Variants in CTCFL observed in about 807,000 individuals in gnomAD.
CTCFL encodes the protein transcriptional repressor CTCFL.
CTCFL carries 36 observed loss-of-function variants against 67.4 expected under a neutral mutation model. The ratio of observed to expected loss-of-function variants is 0.53; its 90% CI spans 0.41 to 0.71. The LOEUF (loss-of-function observed/expected upper bound fraction) is 0.71, where lower values mean the gene tolerates loss of function less well. CTCFL is among the 30% of genes least tolerant of loss of function. The pLI, the probability that CTCFL is intolerant of heterozygous loss-of-function variation, is 0.00. For synonymous variants in CTCFL, 324 were observed against 302.3 expected, an observed-to-expected ratio of 1.07 and a Z score of -0.75; for missense variants, 786 against 835.2, an observed-to-expected ratio of 0.94 and a Z score of 0.73.
In CTCFL at chr20:57,523,866, G is replaced by T. The variant is rs1296549824; in HGVS notation, c.340C>A (p.Gln114Lys). The change falls in exon 2 of 11, where the codon CAG (glutamine) becomes AAG (lysine). Residue 114 changes from glutamine to lysine, a missense_variant. Coordinates refer to ENST00000243914, the MANE Select transcript of CTCFL (RefSeq NM_001386993.1). ...QQEGVQVVVQ[Q>K]PGPGLLWLEE... Reference sequence around the variant, plus strand: ...AGCCACAGCAACCCAGGGCCAGGCTGTTGCACCACCACCTGCACCCCTTCT... The same window carrying T: ...AGCCACAGCAACCCAGGGCCAGGCTTTTGCACCACCACCTGCACCCCTTCT... 1 of 1,613,122 alleles carries T rather than the reference G, an allele frequency of 6.2e-7. No homozygotes were observed. The highest frequency in any genetic ancestry group is 8.5e-7 in the Non-Finnish European group (1 of 1,180,052).
At chr20:57,517,101 G>A (rs1452405709) in intron 5 of CTCFL, among the ~76,000 whole-genome samples, 1 of 152,162 alleles carries the variant, frequency 6.6e-6, no homozygotes, top group East Asian at 1.9e-4. Context: ...TTTCACTTAG[G>A]TTTTCAGAAG....
chr20:57,512,693 A>C lies in CTCFL; in HGVS notation c.1390T>G (p.Ser464Ala). 6.2e-7 allele frequency: 1 copy of C among 1,614,252 alleles called. No individual in the cohort carries two copies. Among genetic ancestry groups the C allele is most frequent in the Non-Finnish European group, 8.5e-7 (1 of 1,180,036 alleles). The change falls in exon 8 of 11, where the codon TCT becomes GCT. Residue 464 changes from serine (S) to alanine (A), a missense_variant. By Grantham distance (99) the Ser-to-Ala change is moderately conservative. This residue lies in a region of CTCFL where 254 missense variants were observed against 333.9 expected (regional missense o/e 0.76). Coordinates refer to ENST00000243914, the MANE Select transcript of CTCFL (RefSeq NM_001386993.1). The stretch of plus-strand genomic sequence containing the variant: ...GCATAGCGTTCATGGAAGACAGCAG[A>C]ACAGTAGCGGCATTTCAGCTCTGCA... ...SAAELKCRYC[S>A]AVFHERYALI...
chr20:57,510,232 A>G (rs2068460844), intron 8 of CTCFL, among the ~76,000 whole-genome samples: 2 of 152,302 alleles, frequency 1.3e-5, no homozygotes, highest in Middle Eastern at 3.4e-3. Flanking sequence ...TTTATACTTT[A>G]AAAAATTACT....
rs767188369 is a variant in CTCFL, at chr20:57,519,295, G to A, written c.837C>T (p.His279=). 8.7e-6 allele frequency: 14 copies of A among 1,614,078 alleles called. No individual in the cohort carries two copies. The highest frequency in any genetic ancestry group is 6.7e-5 in the East Asian group (3 of 44,886). ...MSSFNRHMKT[H]TSEKPHLCHL... ...GACACAGGTGAGGCTTCTCACTGGT[G>A]TGAGTTTTCATATGACGATTAAAAC... The change falls in exon 4 of 11, where the codon CAC becomes CAT. Residue 279 remains histidine (H), a synonymous_variant. Transcript: ENST00000243914.
At chr20:57,503,787 G>A (rs1340478209) in intron 9 of CTCFL, among the ~76,000 whole-genome samples, 186 bp from the exon 10 acceptor site, 3 of 152,098 alleles carry the variant, frequency 2.0e-5, no homozygotes, top group Admixed American at 6.5e-5. Context: ...GGTAATAGGA[G>A]GCCAGGCACT....
At chr20:57,499,932 G>C in intron 10 of CTCFL, 1 of 982,358 alleles carries the variant, frequency 1.0e-6, no homozygotes. Flanking sequence ...GTTCCTAACA[G>C]CCCACAGGTC....
intron 3 of CTCFL, among the ~76,000 whole-genome samples, chr20:57,521,851 C>T (rs946167258): frequency 2.0e-5 from 3 of 152,176 alleles, no homozygotes; most frequent in African/African-American, 7.2e-5. Flanking sequence ...TATGATTCAA[C>T]TTCTGGAAAA....
chr20:57,507,808 T>A, intron 9 of CTCFL: 1 of 702,980 alleles, frequency 1.4e-6, no homozygotes, highest in South Asian at 1.5e-5. Context: ...AGGTGATAAA[T>A]GTTTGTGGTT....
chr20:57,502,845 C>CT (rs2067989445), intron 10 of CTCFL, among the ~76,000 whole-genome samples: 1 of 152,216 alleles, frequency 6.6e-6, no homozygotes, highest in Non-Finnish European at 1.5e-5. Flanking sequence ...AGCTGACCTC[C>CT]TTTTTTCAAA....
chr20:57,519,020 T>C, intron 4 of CTCFL, 129 bp from the exon 5 acceptor site: 8 of 1,227,412 alleles, frequency 6.5e-6, no homozygotes, highest in Admixed American at 2.6e-5. Context: ...CCTTAAACTA[T>C]AAATACCACA....
intron 9 of CTCFL, among the ~76,000 whole-genome samples, chr20:57,506,112 G>C (rs1011292287): frequency 1.3e-5 from 2 of 152,190 alleles, no homozygotes; most frequent in African/African-American, 4.8e-5. Context: ...GTTTGTGAAA[G>C]CAAGTTTTAC....
At chr20:57,512,876 G>C in intron 7 of CTCFL, 124 bp from the exon 8 acceptor site, 1 of 815,876 alleles carries the variant, frequency 1.2e-6, no homozygotes, top group Non-Finnish European at 1.9e-6. Context: ...TTCCTGGGCA[G>C]GGCAGGGTGG....
intron 8 of CTCFL, among the ~76,000 whole-genome samples, chr20:57,511,357 T>G (rs1055073050): frequency 6.6e-6 from 1 of 151,974 alleles, no homozygotes; most frequent in Admixed American, 6.6e-5. Flanking sequence ...TTTCTTACCA[T>G]GGGTTGCAAT....
In CTCFL at chr20:57,498,394, A is replaced by C. The variant is rs2067758885; in HGVS notation, c.*156T>G. 4 of 1,415,162 alleles carry C rather than the reference A, an allele frequency of 2.8e-6. No individual in the cohort carries two copies. Among genetic ancestry groups the C allele is most frequent in the Non-Finnish European group, 3.7e-6 (4 of 1,080,432 alleles). 87.7% of individuals were successfully genotyped at this position (1,415,162 alleles called of 1,614,324 possible). ...AATTGTTTCAAAGAAAATGCTAAAA[A>C]TTTCTAACTTGCTTTAGGAATTAGG... On this transcript the variant is annotated 3_prime_UTR_variant, in exon 11 of 11. Coordinates refer to ENST00000243914, the MANE Select transcript of CTCFL (RefSeq NM_001386993.1).
At chr20:57,507,828 T>A (rs2068299198) in intron 9 of CTCFL, 1 of 703,048 alleles carries the variant, frequency 1.4e-6, no homozygotes, top group Non-Finnish European at 2.6e-6. Context: ...TTTAAGCCAC[T>A]CCATTTTGAG....
intron 9 of CTCFL, among the ~76,000 whole-genome samples, chr20:57,508,164 T>C (rs2068323849): frequency 6.6e-6 from 1 of 152,150 alleles, no homozygotes; most frequent in African/African-American, 2.4e-5. Flanking sequence ...CTCAAACTCC[T>C]GGCCTCAAGT....
At chr20:57,523,026 C>G in intron 3 of CTCFL, 42 bp downstream of exon 3, 2 of 1,493,388 alleles carry the variant, frequency 1.3e-6, no homozygotes, top group Non-Finnish European at 1.8e-6. Context: ...AAAACAGCAG[C>G]CCAGTTTTAG....
intron 9 of CTCFL, 99 bp downstream of exon 9, chr20:57,508,507 G>A: frequency 1.7e-6 from 2 of 1,157,482 alleles, no homozygotes; most frequent in Non-Finnish European, 2.5e-6. Flanking sequence ...GTCCTGGCAG[G>A]TTTCTATAAT....
At position 57,515,753 on chromosome 20, in the gene CTCFL, C is replaced by G. The variant is rs778383088; in HGVS notation, c.1141G>C (p.Asp381His). 6.2e-7 allele frequency: 1 copy of G among 1,614,168 alleles called. No homozygotes were observed. The highest frequency in any genetic ancestry group is 2.2e-5 in the East Asian group (1 of 44,884). The stretch of plus-strand genomic sequence containing the variant: ...ATGTGGCGTTTCAGCTTGTAGGTAT[C>G]TCTGCTGGCATAGCTGCACTGGCAA... ...QCCQCSYASR[D>H]TYKLKRHMRT... Residue 381 changes from aspartate (D) to histidine (H), a missense_variant, in exon 6 of 11, where the codon GAT becomes CAT. Coordinates refer to ENST00000243914, the MANE Select transcript of CTCFL (RefSeq NM_001386993.1).
Sources: allele counts gnomAD v4.1 joint callset (sites outside exome capture counted in the v4.1 genomes callset), GRCh38; gene constraint gnomAD v4.1.1; regional missense constraint gnomAD v4.1.1; transcripts MANE v1.5; gene names NCBI Gene and HGNC (gene_info 2026-07-23, HGNC 2026-07-21).